PCSK6: variants seen among roughly 807,000 people sequenced by gnomAD.
PCSK6 encodes paired basic amino acid cleaving enzyme 4.
PCSK6 carries 85 observed loss-of-function variants against 123.3 expected under a neutral mutation model. That is an observed-to-expected ratio of 0.69 (90% CI 0.58 to 0.83). PCSK6 has a LOEUF of 0.83. Ranked by LOEUF, PCSK6 falls within the 40% of genes least tolerant of loss-of-function variation. PCSK6 has a pLI of 0.00. For synonymous variants in PCSK6, 508 were observed against 516.0 expected (o/e 0.98, Z 0.21); for missense variants, 1,191 against 1,282.3 (o/e 0.93, Z 1.09).
chr15:101,379,652 A>G (rs1399993183), intron 11 of PCSK6, among the ~76,000 whole-genome samples: 1 of 152,214 alleles, frequency 6.6e-6, no homozygotes, highest in East Asian at 1.9e-4. Context: ...TGAGGCCAAG[A>G]GAGTAGACAG....
chr15:101,485,939 A>T (rs1017736013), intron 1 of PCSK6, among the ~76,000 whole-genome samples: 3 of 150,168 alleles, frequency 2.0e-5, no homozygotes, highest in Non-Finnish European at 1.5e-5. Flanking sequence ...AACACAACGC[A>T]TCTCTCCATT....
At position 101,476,609 on chromosome 15, in the gene PCSK6, C is replaced by A. The variant is rs113888749; in HGVS notation, c.297+12765G>T. 4.3e-3 allele frequency among the ~76,000 whole-genome samples: 638 copies of A among 149,984 alleles called. 10 individuals carry two copies. The highest frequency in any genetic ancestry group is 0.014 in the African/African-American group (575 of 40,738). ...AATTCTTTTTGTGTGTATATGCGCA[C>A]GTATCTGTCTGTTAAGGCACAGAAA... On this transcript the variant is annotated intron_variant, in intron 1 of 21. Transcript: ENST00000611716.
At position 101,331,925 on chromosome 15, in the gene PCSK6, T is replaced by C; in HGVS notation, c.1965A>G (p.Pro655=). The change falls in exon 14 of 22, where the codon CCA becomes CCG. Residue 655 remains proline (P), a synonymous_variant. Coordinates refer to ENST00000611716, the MANE Select transcript of PCSK6 (RefSeq NM_002570.5). Reference sequence around the variant, plus strand: ...GGGCAGCCTTGGGTGGCTCCAGCTCTGGGGCTGAGAGCTCCAGCATCCGCG... The same window carrying C: ...GGGCAGCCTTGGGTGGCTCCAGCTCCGGGGCTGAGAGCTCCAGCATCCGCG... ...SRSRMLELSA[P]ELEPPKAALS... is the part of the protein sequence containing the mutation. 1.9e-6 allele frequency: 3 copies of C among 1,613,916 alleles called. No individual in the cohort carries two copies. Among genetic ancestry groups the C allele is most frequent in the Non-Finnish European group, 1.7e-6 (2 of 1,179,856 alleles).
chr15:101,355,749 G>A (rs1269345957), intron 13 of PCSK6, among the ~76,000 whole-genome samples: 1 of 152,284 alleles, frequency 6.6e-6, no homozygotes, highest in Admixed American at 6.5e-5. Context: ...CAGGTCATGA[G>A]GAGGTGCAGG....
intron 12 of PCSK6, among the ~76,000 whole-genome samples, chr15:101,368,459 AT>A (rs1467865063): frequency 6.6e-6 from 1 of 152,222 alleles, no homozygotes; most frequent in South Asian, 2.1e-4. Flanking sequence ...GAGATGAGGA[AT>A]AAAGAGAGGC....
intron 13 of PCSK6, among the ~76,000 whole-genome samples, chr15:101,339,791 G>A (rs1178930673): frequency 6.6e-6 from 1 of 152,020 alleles, no homozygotes; most frequent in Admixed American, 6.6e-5. Flanking sequence ...TGTCCTTGTA[G>A]TCCTATCCAT....
At chr15:101,415,510 CA>C (rs1337492912) in intron 6 of PCSK6, among the ~76,000 whole-genome samples, 1 of 152,224 alleles carries the variant, frequency 6.6e-6, no homozygotes, top group Non-Finnish European at 1.5e-5. Flanking sequence ...TTGTGTGAGT[CA>C]AACAAAACAT....
intron 1 of PCSK6, among the ~76,000 whole-genome samples, chr15:101,459,371 C>G (rs2057275454): frequency 6.6e-6 from 1 of 152,098 alleles, no homozygotes. Flanking sequence ...CCACAGTAAT[C>G]CTACCAGGAA....
chr15:101,486,310 C>A (rs1483920173), intron 1 of PCSK6, among the ~76,000 whole-genome samples: 2 of 152,160 alleles, frequency 1.3e-5, no homozygotes, highest in Admixed American at 1.3e-4. Context: ...CTATAAAAGT[C>A]TCACCTTTTT....
chr15:101,396,777 G>A (rs2042425175), intron 7 of PCSK6, among the ~76,000 whole-genome samples: 1 of 152,156 alleles, frequency 6.6e-6, no homozygotes, highest in African/African-American at 2.4e-5. Flanking sequence ...GGAGATAAAG[G>A]AAGCTGTCCA....
chr15:101,352,880 G>A (rs779536376), intron 13 of PCSK6, among the ~76,000 whole-genome samples: 16 of 152,190 alleles, frequency 1.1e-4, no homozygotes, highest in Non-Finnish European at 2.2e-4. Context: ...CAGGAACATA[G>A]TCTATAGGAA....
chr15:101,326,279 C>T lies in PCSK6; in HGVS notation c.2180+98G>A, dbSNP rs138679055. The T allele has an allele frequency of 5.5e-4, 489 of 886,056 alleles. 1 individual carries two copies. The African/African-American group carries it at 6.8e-3, about 12-fold the overall frequency. 54.9% of individuals were successfully genotyped at this position (886,056 alleles called of 1,614,324 possible). A position where few individuals can be genotyped will look rare whatever the true frequency, so the allele number is the denominator to read the frequency against. On this transcript the variant is annotated intron_variant, in intron 16 of 21. Coordinates refer to ENST00000611716, the MANE Select transcript of PCSK6 (RefSeq NM_002570.5). Reference sequence around the variant, plus strand: ...GTGTGATGATTGTTTGGGGGTGCTACGTTACTTCCTAACTGGGGCATCAGG... The same window carrying T: ...GTGTGATGATTGTTTGGGGGTGCTATGTTACTTCCTAACTGGGGCATCAGG...
At chr15:101,431,946 C>T (rs1463093738) in intron 3 of PCSK6, 44 bp downstream of exon 3, 2 of 1,339,352 alleles carry the variant, frequency 1.5e-6, no homozygotes, top group South Asian at 2.4e-5. Context: ...AGAGACCTGG[C>T]AGTGCAAGTG....
chr15:101,346,556 A>G, intron 13 of PCSK6: 2 of 307,224 alleles, frequency 6.5e-6, no homozygotes, highest in Non-Finnish European at 5.9e-6. Flanking sequence ...AATAGGTAAT[A>G]AAGTCAAATG....
At chr15:101,473,221 C>T (rs1333403538) in intron 1 of PCSK6, among the ~76,000 whole-genome samples, 1 of 152,074 alleles carries the variant, frequency 6.6e-6, no homozygotes, top group Admixed American at 6.5e-5. Flanking sequence ...GGACTATAGG[C>T]ACATGCCACC....
intron 13 of PCSK6, chr15:101,347,659 A>AG (rs878937938): frequency 6.3e-7 from 1 of 1,587,548 alleles, no homozygotes; most frequent in South Asian, 1.1e-5. Flanking sequence ...GGACTTCCAA[A>AG]GGCAGCCAAA....
chr15:101,409,478 G>C (rs369082180), intron 6 of PCSK6, among the ~76,000 whole-genome samples: 8 of 151,496 alleles, frequency 5.3e-5, no homozygotes, highest in African/African-American at 1.9e-4. Context: ...CCAGCTACTC[G>C]GGAGGCTGAG....
chr15:101,393,522 A>G, intron 7 of PCSK6, 98 bp from the exon 8 acceptor site: 1 of 880,772 alleles, frequency 1.1e-6, no homozygotes. Context: ...ATGTTCCTTC[A>G]AAGGGATAAG....
chr15:101,304,952 A>G lies in PCSK6; in HGVS notation c.*306T>C. ...TCTGCTTTGGTCTTGAAGATTCAGTAAACTTATGGTCCCAGAAGCTGCTCC... is the reference window on the plus strand; with the variant it reads ...TCTGCTTTGGTCTTGAAGATTCAGTGAACTTATGGTCCCAGAAGCTGCTCC... On this transcript the variant is annotated 3_prime_UTR_variant, in exon 22 of 22. Transcript: ENST00000611716. The G allele has an allele frequency of 3.1e-6, 1 of 323,316 alleles. No individual in the cohort carries two copies. The highest frequency in any genetic ancestry group is 5.7e-6 in the Non-Finnish European group (1 of 174,172). 20.0% of individuals were successfully genotyped at this position (323,316 alleles called of 1,614,324 possible). A position where few individuals can be genotyped will look rare whatever the true frequency, so the allele number is the denominator to read the frequency against.
Sources: allele counts gnomAD v4.1 joint callset (sites outside exome capture counted in the v4.1 genomes callset), GRCh38; gene constraint gnomAD v4.1.1; transcripts MANE v1.5; gene names NCBI Gene and HGNC (gene_info 2026-07-23, HGNC 2026-07-21).